The following BCL2L14 variants were observed in gnomAD, a reference collection of about 807,000 sequenced individuals.
The protein encoded by BCL2L14 is BCL2 like 14, also known as apoptosis facilitator Bcl-2-like protein 14.
In BCL2L14, 27 loss-of-function variants were observed where a neutral mutation model predicts 35.3. That is an observed-to-expected ratio of 0.76 (90% CI 0.56 to 1.05). BCL2L14 has a LOEUF of 1.05. Ranked by LOEUF, BCL2L14 falls within the 50% of genes least tolerant of loss-of-function variation. BCL2L14 has a pLI of 0.00. For missense variants in BCL2L14, 377 were observed against 382.6 expected, an observed-to-expected ratio of 0.99 and a Z score of 0.12; for synonymous variants, 139 against 145.9, an observed-to-expected ratio of 0.95 and a Z score of 0.34.
At chr12:12,075,520 G>T (rs535672447) in intron 1 of BCL2L14, among the ~76,000 whole-genome samples, 16 of 152,080 alleles carry the variant, frequency 1.1e-4, no homozygotes, top group Admixed American at 3.3e-4. Flanking sequence ...CCGCCTCCTG[G>T]GTTCAAGTGA....
chr12:12,085,675 C>T (rs138741674), intron 2 of BCL2L14, among the ~76,000 whole-genome samples: 170 of 152,260 alleles, frequency 1.1e-3, no homozygotes, highest in African/African-American at 3.8e-3. Context: ...GTGGCCTTTC[C>T]GTGAATGGCT....
At chr12:12,060,971 C>T (rs111918498) in intron 2 of BCL2L14, among the ~76,000 whole-genome samples, 11,022 of 67,374 alleles carry the variant, frequency 0.16, 1,269 homozygotes, top group African/African-American at 0.2. Context: ...CGGAGGCTAC[C>T]CACTCCACAT....
In BCL2L14 at chr12:12,077,516, C is replaced by G. The variant is rs890584107; in HGVS notation, c.-7-1783C>G. On this transcript the variant is annotated intron_variant, in intron 1 of 5. Transcript: ENST00000308721. Reference sequence around the variant, plus strand: ...GCTATGATCTGCACTCCAGCCTGGGCAACAGAGCAAAACTGAGTCTCAAAA... The same window carrying G: ...GCTATGATCTGCACTCCAGCCTGGGGAACAGAGCAAAACTGAGTCTCAAAA... 4.3e-5 allele frequency among the ~76,000 whole-genome samples: 5 copies of G among 117,010 alleles called. No homozygotes were observed. The East Asian group carries it at 7.2e-4, about 17-fold the overall frequency. 76.8% of individuals were successfully genotyped at this position (117,010 alleles called of 152,430 possible). A position where few individuals can be genotyped will look rare whatever the true frequency, so the allele number is the denominator to read the frequency against.
chr12:12,082,994 T>G (rs1205179774), intron 2 of BCL2L14, among the ~76,000 whole-genome samples: 1 of 152,206 alleles, frequency 6.6e-6, no homozygotes, highest in East Asian at 1.9e-4. Context: ...AGACAGAGTC[T>G]TGCTCTGTCA....
chr12:12,092,707 T>C (rs1335382082), intron 4 of BCL2L14, among the ~76,000 whole-genome samples: 1 of 152,138 alleles, frequency 6.6e-6, no homozygotes, highest in Non-Finnish European at 1.5e-5. Context: ...ATTGGGAAAC[T>C]GATGAAGAGG....
chr12:12,050,793 T>TAAAAAAAAAAAAAAAAAAA (rs3052084), intron 1 of BCL2L14, among the ~76,000 whole-genome samples: 19 of 88,296 alleles, frequency 2.2e-4, no homozygotes, highest in African/African-American at 8.3e-4. Context: ...GCTGATGAGC[T>TAAAAAAAAAAAAAAAAAAA]AAAAAAAAAA....
chr12:12,077,223 G>A (rs1478993471), intron 1 of BCL2L14, among the ~76,000 whole-genome samples: 1 of 152,086 alleles, frequency 6.6e-6, no homozygotes. Context: ...GAAAGGGAAG[G>A]GAACATTATT....
chr12:12,099,246 G>T lies in BCL2L14; in HGVS notation c.*258G>T, dbSNP rs1319011350. The stretch of plus-strand genomic sequence containing the variant: ...CTGAGGAAATCTGTAAAGATAAGTG[G>T]TGATGTTGTTTCAAACGTTCAGAAC... On this transcript the variant is annotated 3_prime_UTR_variant, in exon 6 of 6. Transcript: ENST00000308721. The T allele has an allele frequency of 2.1e-6, 1 of 486,416 alleles. No individual in the cohort carries two copies. Among genetic ancestry groups the T allele is most frequent in the African/African-American group, 1.9e-5 (1 of 51,296 alleles). 30.1% of individuals were successfully genotyped at this position (486,416 alleles called of 1,614,324 possible). A position where few individuals can be genotyped will look rare whatever the true frequency, so the allele number is the denominator to read the frequency against.
intron 2 of BCL2L14, among the ~76,000 whole-genome samples, chr12:12,083,685 CT>C (rs2136757584): frequency 2.0e-5 from 3 of 152,238 alleles, no homozygotes; most frequent in African/African-American, 7.2e-5. Context: ...TGGCTCATGC[CT>C]ATAATCCCAG....
chr12:12,070,851 T>C (rs1386835455), upstream of BCL2L14: 1 of 151,882 alleles, frequency 6.6e-6, no homozygotes, highest in Non-Finnish European at 1.5e-5. Context: ...CCTTTTAGAG[T>C]CAAATTACAC....
Position 12,099,225 on chromosome 12 carries a change from G to C in BCL2L14, c.*237G>C. 2 of 518,404 alleles carry C rather than the reference G, an allele frequency of 3.9e-6. No homozygotes were observed. Among genetic ancestry groups the C allele is most frequent in the South Asian group, 2.3e-5 (1 of 42,976 alleles). The allele number at this position is 518,404 out of a possible 1,614,324, so 32.1% of individuals were successfully genotyped here. On this transcript the variant is annotated 3_prime_UTR_variant, in exon 6 of 6. Coordinates refer to ENST00000308721, the MANE Select transcript of BCL2L14 (RefSeq NM_138723.2). ...TTCAGGCCCTCCATTGAGAACCTGAGGAAATCTGTAAAGATAAGTGGTGAT... is the reference window on the plus strand; with the variant it reads ...TTCAGGCCCTCCATTGAGAACCTGACGAAATCTGTAAAGATAAGTGGTGAT...
chr12:12,052,317 A>G (rs150984149), intron 2 of BCL2L14, among the ~76,000 whole-genome samples: 8 of 152,312 alleles, frequency 5.3e-5, no homozygotes, highest in African/African-American at 1.4e-4. Context: ...ATGCTGTGCA[A>G]TTGATTAGTA....
Position 12,093,558 on chromosome 12 carries a change from C to T in BCL2L14, c.679-1106C>T, listed in dbSNP as rs1431250249. Among the ~76,000 whole-genome samples the T allele has an allele frequency of 2.0e-5, 3 of 151,980 alleles. No homozygotes were observed. The East Asian group carries it at 5.8e-4, about 29-fold the overall frequency. ...CTGTAATCCCAGCACTTTGGGAGGC[C>T]GAGGCAGGTGGATCACCTAAGGTTA... On this transcript the variant is annotated intron_variant, in intron 4 of 5. Coordinates refer to ENST00000308721, the MANE Select transcript of BCL2L14 (RefSeq NM_138723.2).
intron 2 of BCL2L14, among the ~76,000 whole-genome samples, chr12:12,053,655 G>A (rs980631591): frequency 6.6e-6 from 1 of 152,120 alleles, no homozygotes; most frequent in African/African-American, 2.4e-5. Flanking sequence ...TCCAACCTCA[G>A]GTACCCGCCT....
chr12:12,061,981 T>C (rs1948532289), intron 2 of BCL2L14, among the ~76,000 whole-genome samples: 1 of 152,252 alleles, frequency 6.6e-6, no homozygotes, highest in Non-Finnish European at 1.5e-5. Context: ...GTAACCTTTC[T>C]ATGCAAACAA....
chr12:12,090,675 C>A, intron 3 of BCL2L14, 104 bp from the exon 4 acceptor site: 1 of 728,094 alleles, frequency 1.4e-6, no homozygotes, highest in Non-Finnish European at 2.2e-6. Flanking sequence ...TAGCATGCCT[C>A]TTCCTCCAGC....
intron 2 of BCL2L14, among the ~76,000 whole-genome samples, chr12:12,061,315 A>C (rs541160107): frequency 6.6e-6 from 1 of 151,316 alleles, no homozygotes; most frequent in Non-Finnish European, 1.5e-5. Context: ...TTGGCGACCA[A>C]TCACACACCC....
At chr12:12,093,853 T>C (rs1949251973) in intron 4 of BCL2L14, among the ~76,000 whole-genome samples, 2 of 150,356 alleles carry the variant, frequency 1.3e-5, no homozygotes, top group African/African-American at 2.4e-5. Context: ...CAGGGACTCA[T>C]GCCTGTAATC....
At chr12:12,062,280 C>T (rs1218346015) in intron 2 of BCL2L14, among the ~76,000 whole-genome samples, 19 of 129,252 alleles carry the variant, frequency 1.5e-4, no homozygotes, top group African/African-American at 5.8e-4. Flanking sequence ...ACCCCCATGA[C>T]TGTATCTCTC....
Sources: allele counts gnomAD v4.1 joint callset (sites outside exome capture counted in the v4.1 genomes callset), GRCh38; gene constraint gnomAD v4.1.1; transcripts MANE v1.5; gene names NCBI Gene and HGNC (gene_info 2026-07-23, HGNC 2026-07-21).